Variants in DR1 observed in about 807,000 individuals in gnomAD.
DR1 encodes the protein protein Dr1.
A neutral mutation model predicts 19.9 loss-of-function variants in DR1; 7 were observed. That is an observed-to-expected ratio of 0.35 (90% confidence interval 0.20 to 0.66). DR1 has a LOEUF of 0.66. DR1 is among the 30% of genes least tolerant of loss of function. The pLI is 0.66. For missense variants in DR1, 98 were observed against 203.7 expected (o/e 0.48, Z 3.16); for synonymous variants, 76 against 72.5 (o/e 1.05, Z -0.24).
chr1:93,367,650 T>A lies in DR1; in HGVS notation c.*7011T>A, dbSNP rs1667183042. The A allele has an allele frequency of 6.6e-6, 1 of 152,332 alleles. No homozygotes were observed. The allele number at this position is 152,332 out of a possible 1,614,324, so 9.4% of individuals were successfully genotyped here. A position where few individuals can be genotyped will look rare whatever the true frequency, so the allele number is the denominator to read the frequency against. On this transcript the variant is annotated 3_prime_UTR_variant, in exon 3 of 3. Transcript: ENST00000370272. ...TACCCAGAGAAAACTCATGCAGATA[T>A]GTGGAGGACATGCAAAATTCACACA...
intron 2 of DR1, among the ~76,000 whole-genome samples, chr1:93,359,645 C>T (rs1667030632): frequency 1.3e-5 from 2 of 151,984 alleles, no homozygotes; most frequent in Admixed American, 1.3e-4. Context: ...AATTGTAAGA[C>T]CTTTTTAAGA....
At chr1:93,357,144 A>G (rs752106422) in intron 2 of DR1, among the ~76,000 whole-genome samples, 10 of 152,218 alleles carry the variant, frequency 6.6e-5, no homozygotes, top group Non-Finnish European at 1.3e-4. Context: ...AAAATGGATG[A>G]CAGTCATTAT....
intron 1 of DR1, among the ~76,000 whole-genome samples, chr1:93,350,558 T>TA (rs1666902705): frequency 6.6e-6 from 1 of 152,222 alleles, no homozygotes; most frequent in Non-Finnish European, 1.5e-5. Context: ...AAATTCATGT[T>TA]ATGACAGAAC....
chr1:93,355,181 C>T (rs1666964589), intron 2 of DR1: 1 of 151,654 alleles, frequency 6.6e-6, no homozygotes, highest in African/African-American at 2.4e-5. Context: ...ACTTTAAATA[C>T]ATAAAAACTT....
chr1:93,351,627 T>C (rs1361958389), intron 1 of DR1, among the ~76,000 whole-genome samples: 3 of 151,800 alleles, frequency 2.0e-5, no homozygotes, highest in Non-Finnish European at 4.4e-5. Context: ...GTAGAGACAA[T>C]GTGTTGCCAT....
rs1220808582 is a variant in DR1, at chr1:93,362,276, TAGA to T, written c.*1642_*1644del. 1.3e-5 allele frequency: 2 copies of T among 152,462 alleles called. No individual in the cohort carries two copies. The highest frequency in any genetic ancestry group is 2.9e-5 in the Non-Finnish European group (2 of 67,894). 9.4% of individuals were successfully genotyped at this position (152,462 alleles called of 1,614,324 possible). ...ACCCATGAAGTGCATTTGGATGAGATAGAAGAAATTGTTTTTTAAAAAGTTTAA... is the reference window on the plus strand; with the variant it reads ...ACCCATGAAGTGCATTTGGATGAGATAGAAATTGTTTTTTAAAAAGTTTAA... On this transcript the variant is annotated 3_prime_UTR_variant, in exon 3 of 3. Transcript: ENST00000370272.
At position 93,353,963 on chromosome 1, in the gene DR1, A is replaced by G; in HGVS notation, c.276A>G (p.Gln92=). The change falls in exon 2 of 3, where the codon CAA becomes CAG. Residue 92 remains glutamine (Q), a synonymous_variant. Coordinates refer to ENST00000370272, the MANE Select transcript of DR1 (RefSeq NM_001938.3). ...TCAGTGAAGTAAAAGAAGTCTTGCA[A>G]GAGTGTAAAACAGTAGCATTAAAAA... ...SYISEVKEVL[Q]ECKTVALKRR... 1 of 1,613,266 alleles carries G rather than the reference A, an allele frequency of 6.2e-7. No homozygotes were observed. Among genetic ancestry groups the G allele is most frequent in the East Asian group, 2.2e-5 (1 of 44,840 alleles).
chr1:93,352,020 C>T (rs1666918327), intron 1 of DR1, among the ~76,000 whole-genome samples: 1 of 152,134 alleles, frequency 6.6e-6, no homozygotes, highest in Admixed American at 6.5e-5. Context: ...ATATTAATTA[C>T]CTGTTGATTC....
chr1:93,363,661 C>G lies in DR1; in HGVS notation c.*3022C>G, dbSNP rs1379973926. The G allele has an allele frequency of 6.6e-6, 1 of 152,234 alleles. No homozygotes were observed. Among genetic ancestry groups the G allele is most frequent in the African/African-American group, 2.4e-5 (1 of 41,466 alleles). 9.4% of individuals were successfully genotyped at this position (152,234 alleles called of 1,614,324 possible). A position where few individuals can be genotyped will look rare whatever the true frequency, so the allele number is the denominator to read the frequency against. On this transcript the variant is annotated 3_prime_UTR_variant, in exon 3 of 3. Coordinates refer to ENST00000370272, the MANE Select transcript of DR1 (RefSeq NM_001938.3). ...ACCTGCATAAAGCAGGGATAATCCCCCTATCTCAAGATCCTTAATTTAATC... is the reference window on the plus strand; with the variant it reads ...ACCTGCATAAAGCAGGGATAATCCCGCTATCTCAAGATCCTTAATTTAATC...
intron 1 of DR1, among the ~76,000 whole-genome samples, chr1:93,349,706 C>G (rs1273418721): frequency 6.6e-6 from 1 of 152,008 alleles, no homozygotes; most frequent in Non-Finnish European, 1.5e-5. Context: ...TCCAAGCTGT[C>G]TTACGTTGAA....
rs1323479274 is a variant in DR1, at chr1:93,365,519, T to G, written c.*4880T>G. Reference sequence around the variant, plus strand: ...GTCTCCAGACATAGCCAACTGTCCCTGGGTGTTGCGAGTATAGGAGGCAAA... The same window carrying G: ...GTCTCCAGACATAGCCAACTGTCCCGGGGTGTTGCGAGTATAGGAGGCAAA... On this transcript the variant is annotated 3_prime_UTR_variant, in exon 3 of 3. Coordinates refer to ENST00000370272, the MANE Select transcript of DR1 (RefSeq NM_001938.3). The G allele has an allele frequency of 6.6e-6, 1 of 152,412 alleles. No homozygotes were observed. Among genetic ancestry groups the G allele is most frequent in the Non-Finnish European group, 1.5e-5 (1 of 68,212 alleles). The allele number at this position is 152,412 out of a possible 1,614,324, so 9.4% of individuals were successfully genotyped here.
At position 93,362,826 on chromosome 1, in the gene DR1, C is replaced by CT. The variant is rs55792701; in HGVS notation, c.*2215dup. 132 of 52,854 alleles carry CT rather than the reference C, an allele frequency of 2.5e-3. 3 individuals are homozygous for CT. Among genetic ancestry groups the CT allele is most frequent in the African/African-American group, 9.7e-3 (122 of 12,636 alleles). 3.3% of individuals were successfully genotyped at this position (52,854 alleles called of 1,614,324 possible). A position where few individuals can be genotyped will look rare whatever the true frequency, so the allele number is the denominator to read the frequency against. Reference sequence around the variant, plus strand: ...GCAATATTTTATTTTTAGGTTTTTTCTTTTTTTTTTTTTTTTTTTTTTTTT... The same window carrying CT: ...GCAATATTTTATTTTTAGGTTTTTTCTTTTTTTTTTTTTTTTTTTTTTTTTT... On this transcript the variant is annotated 3_prime_UTR_variant, in exon 3 of 3. Transcript: ENST00000370272.
chr1:93,346,875 G>A lies in DR1; in HGVS notation c.220+10G>A. On this transcript the variant is annotated intron_variant, in intron 1 of 2. Coordinates refer to ENST00000370272, the MANE Select transcript of DR1 (RefSeq NM_001938.3). ...GAGCATGTCATACAAGGTAAGTCGT[G>A]TGTGAGAGCTGGTTTGAATGAGGTT... The A allele has an allele frequency of 1.2e-6, 2 of 1,601,778 alleles. No individual in the cohort carries two copies. The highest frequency in any genetic ancestry group is 1.7e-6 in the Non-Finnish European group (2 of 1,172,536).
intron 2 of DR1, among the ~76,000 whole-genome samples, chr1:93,357,433 G>T (rs778165763): frequency 6.6e-6 from 1 of 152,026 alleles, no homozygotes; most frequent in Non-Finnish European, 1.5e-5. Flanking sequence ...TTGAGGCTAG[G>T]AGTTCAAGGT....
At chr1:93,357,722 A>C (rs902369489) in intron 2 of DR1, among the ~76,000 whole-genome samples, 1 of 151,936 alleles carries the variant, frequency 6.6e-6, no homozygotes, top group Admixed American at 6.6e-5. Context: ...TTAGTCTCTG[A>C]TACTATGGTT....
chr1:93,353,405 G>C (rs1666942224), intron 1 of DR1, among the ~76,000 whole-genome samples: 1 of 152,056 alleles, frequency 6.6e-6, no homozygotes, highest in Non-Finnish European at 1.5e-5. Flanking sequence ...ATTTCCACCA[G>C]TATTTTTTAA....
intron 1 of DR1, among the ~76,000 whole-genome samples, chr1:93,348,049 C>G (rs551642647): frequency 6.6e-6 from 1 of 152,082 alleles, no homozygotes; most frequent in African/African-American, 2.4e-5. Flanking sequence ...TTGACCATAT[C>G]CAATATTTTA....
chr1:93,366,258 G>A lies in DR1; in HGVS notation c.*5619G>A, dbSNP rs985034619. 3.3e-5 allele frequency: 5 copies of A among 152,130 alleles called. No individual in the cohort carries two copies. The highest frequency in any genetic ancestry group is 7.2e-5 in the African/African-American group (3 of 41,418). The allele number at this position is 152,130 out of a possible 1,614,324, so 9.4% of individuals were successfully genotyped here. ...TTTCCTCTTAAAGGCCAAATATGCC[G>A]TAGTATGTAAATACCGTATTTTGTT... is the stretch of plus-strand genomic sequence containing the variant. On this transcript the variant is annotated 3_prime_UTR_variant, in exon 3 of 3. Transcript: ENST00000370272.
In DR1 at chr1:93,346,808, A is replaced by T; in HGVS notation, c.163A>T (p.Asn55Tyr). ...EFIHLISSEA[N>Y]EICNKSEKKT... ...CATTCACCTTATATCTTCTGAAGCC[A>T]ATGAGATTTGTAACAAATCGGAAAA... The change falls in exon 1 of 3, where the codon AAT becomes TAT. Residue 55 changes from asparagine (N) to tyrosine (Y), a missense_variant. Asn to Tyr is a moderately radical substitution (Grantham distance 143). Coordinates refer to ENST00000370272, the MANE Select transcript of DR1 (RefSeq NM_001938.3). 6.2e-7 allele frequency: 1 copy of T among 1,614,002 alleles called. No individual in the cohort carries two copies. Among genetic ancestry groups the T allele is most frequent in the Non-Finnish European group, 8.5e-7 (1 of 1,179,974 alleles).
Sources: allele counts gnomAD v4.1 joint callset (sites outside exome capture counted in the v4.1 genomes callset), GRCh38; gene constraint gnomAD v4.1.1; transcripts MANE v1.5; gene names NCBI Gene and HGNC (gene_info 2026-07-23, HGNC 2026-07-21).